Variants in DAB1 observed in about 807,000 individuals in gnomAD.
DAB1 encodes disabled homolog 1.
DAB1 carries 15 observed loss-of-function variants against 64.6 expected under a neutral mutation model. The observed-to-expected ratio is 0.23, with a 90% CI of 0.16 to 0.36. The LOEUF (loss-of-function observed/expected upper bound fraction) is 0.36. DAB1 is among the 10% of genes least tolerant of loss of function. The probability of loss-of-function intolerance (pLI) is 1.00; values close to 1 mark genes in which losing one functional copy is unlikely to be tolerated. For synonymous variants in DAB1, 235 were observed against 251.9 expected, an observed-to-expected ratio of 0.93 and a Z score of 0.64; for missense variants, 596 against 706.7, an observed-to-expected ratio of 0.84 and a Z score of 1.78.
At chr1:57,350,226 T>C (rs1267242892) in intron 1 of DAB1, among the ~76,000 whole-genome samples, 2 of 152,176 alleles carry the variant, frequency 1.3e-5, no homozygotes, top group Non-Finnish European at 2.9e-5. Context: ...TTTATCCTCA[T>C]TTTTTGTTCT....
intron 5 of DAB1, among the ~76,000 whole-genome samples, chr1:58,057,553 G>A (rs900804513): frequency 6.6e-6 from 1 of 152,086 alleles, no homozygotes; most frequent in Non-Finnish European, 1.5e-5. Flanking sequence ...GTAAAGACAG[G>A]GGCAGAAACT....
chr1:57,384,849 C>G (rs867130986), intron 1 of DAB1, among the ~76,000 whole-genome samples: 1 of 152,134 alleles, frequency 6.6e-6, no homozygotes. Context: ...GAACAACATA[C>G]ACTTAAAAAT....
intron 7 of DAB1, among the ~76,000 whole-genome samples, chr1:57,609,005 A>C (rs1025229729): frequency 3.9e-5 from 6 of 152,128 alleles, no homozygotes; most frequent in African/African-American, 1.4e-4. Flanking sequence ...TATAAATATA[A>C]ATAGCAATTT....
At chr1:57,761,530 T>C (rs1649086925) in intron 6 of DAB1, among the ~76,000 whole-genome samples, 1 of 152,196 alleles carries the variant, frequency 6.6e-6, no homozygotes, top group Non-Finnish European at 1.5e-5. Context: ...CAGCTTGCAG[T>C]CTTCACTTCT....
chr1:57,708,307 A>G (rs1385047314), intron 6 of DAB1, among the ~76,000 whole-genome samples: 1 of 152,110 alleles, frequency 6.6e-6, no homozygotes, highest in Non-Finnish European at 1.5e-5. Flanking sequence ...CTGGTGCTTT[A>G]TTTTACTGTG....
At position 57,240,639 on chromosome 1, in the gene DAB1, T is replaced by C. The variant is rs1668428899; in HGVS notation, c.67+50325A>G. On this transcript the variant is annotated intron_variant, in intron 2 of 14. Transcript: ENST00000371236. The stretch of plus-strand genomic sequence containing the variant: ...TGTATGCCCAATATTGCTTACATTG[T>C]ATAACACTGCCTCTATTTCTATGGT... Among the ~76,000 whole-genome samples the C allele has an allele frequency of 3.3e-5, 5 of 152,154 alleles. No homozygotes were observed. The South Asian group carries it at 1.0e-3, about 32-fold the overall frequency.
At chr1:58,355,811 C>A (rs918667215) in intron 3 of DAB1, among the ~76,000 whole-genome samples, 3 of 152,174 alleles carry the variant, frequency 2.0e-5, no homozygotes, top group African/African-American at 7.2e-5. Context: ...TATAAGAAAG[C>A]AAGTAATGCC....
At chr1:58,403,618 C>T (rs1644591022) in intron 3 of DAB1, among the ~76,000 whole-genome samples, 1 of 152,182 alleles carries the variant, frequency 6.6e-6, no homozygotes, top group African/African-American at 2.4e-5. Context: ...TTTAACCTCT[C>T]TGAGCCTCAA....
intron 2 of DAB1, among the ~76,000 whole-genome samples, chr1:57,285,077 A>G (rs1672204706): frequency 6.6e-6 from 1 of 152,242 alleles, no homozygotes; most frequent in Non-Finnish European, 1.5e-5. Context: ...CCCTGGGTAT[A>G]GCACTAATAT....
chr1:58,028,899 A>C (rs1016850236), intron 5 of DAB1, among the ~76,000 whole-genome samples: 3 of 152,176 alleles, frequency 2.0e-5, no homozygotes, highest in African/African-American at 7.2e-5. Flanking sequence ...CTCCATCCAA[A>C]GACCCATGTT....
intron 2 of DAB1, among the ~76,000 whole-genome samples, chr1:57,200,869 T>C (rs1182637693): frequency 6.6e-6 from 1 of 152,202 alleles, no homozygotes; most frequent in Non-Finnish European, 1.5e-5. Flanking sequence ...AGAAGCTACC[T>C]GAAGTGAGGA....
chr1:57,343,642 T>C (rs892742380), intron 1 of DAB1, among the ~76,000 whole-genome samples: 1 of 151,730 alleles, frequency 6.6e-6, no homozygotes, highest in Admixed American at 6.6e-5. Flanking sequence ...CAGCAGCTGC[T>C]GGCCTAGGTG....
At chr1:57,156,193 C>T (rs531559632) in intron 2 of DAB1, among the ~76,000 whole-genome samples, 19 of 150,648 alleles carry the variant, frequency 1.3e-4, no homozygotes, top group Non-Finnish European at 2.2e-4. Flanking sequence ...CAAAAAGATC[C>T]ACACCAAGTG....
intron 2 of DAB1, among the ~76,000 whole-genome samples, chr1:57,267,634 T>C (rs1490391578): frequency 6.6e-6 from 1 of 152,182 alleles, no homozygotes; most frequent in East Asian, 1.9e-4. Context: ...TGGTTCTACC[T>C]TTCTGAATTT....
intron 4 of DAB1, among the ~76,000 whole-genome samples, chr1:58,224,956 C>T (rs1261026434): frequency 6.6e-6 from 1 of 152,160 alleles, no homozygotes; most frequent in Non-Finnish European, 1.5e-5. Flanking sequence ...CCAAAATTGA[C>T]AAATCGGATC....
At chr1:57,000,700 C>T (rs1013104736) in intron 14 of DAB1, among the ~76,000 whole-genome samples, 3 of 152,176 alleles carry the variant, frequency 2.0e-5, no homozygotes, top group African/African-American at 7.2e-5. Context: ...TTTGCCTGTG[C>T]TGGGCTTCAA....
At chr1:57,074,977 G>C (rs182411090) in intron 4 of DAB1, among the ~76,000 whole-genome samples, 6 of 152,194 alleles carry the variant, frequency 3.9e-5, no homozygotes, top group Non-Finnish European at 7.3e-5. Context: ...TGGGGGCATT[G>C]ATTTATAGGC....
At chr1:58,537,023 C>T (rs577293629) in intron 1 of DAB1, among the ~76,000 whole-genome samples, 24 of 151,708 alleles carry the variant, frequency 1.6e-4, no homozygotes, top group African/African-American at 4.8e-4. Context: ...ACTATAACTA[C>T]CACTGGTTAA....
At chr1:57,405,726 G>A (rs1199837608) in intron 1 of DAB1, among the ~76,000 whole-genome samples, 1 of 152,118 alleles carries the variant, frequency 6.6e-6, no homozygotes, top group African/African-American at 2.4e-5. Context: ...ACAAACACCT[G>A]GCCCTTGTAA....
Sources: allele counts gnomAD v4.1 joint callset (sites outside exome capture counted in the v4.1 genomes callset), GRCh38; gene constraint gnomAD v4.1.1; transcripts MANE v1.5; gene names NCBI Gene and HGNC (gene_info 2026-07-23, HGNC 2026-07-21).